The following LRRFIP2 variants were observed in gnomAD, a reference collection of about 807,000 sequenced individuals.
The protein encoded by LRRFIP2 is LRR binding FLII interacting protein 2, also known as leucine-rich repeat flightless-interacting protein 2.
LRRFIP2 carries 109 observed loss-of-function variants against 125.9 expected under a neutral mutation model. The observed-to-expected ratio is 0.87, with a 90% CI of 0.74 to 1.01. The LOEUF (loss-of-function observed/expected upper bound fraction) is 1.01, where lower values mean the gene tolerates loss of function less well. Ranked by LOEUF, LRRFIP2 falls within the 50% of genes least tolerant of loss-of-function variation. The pLI is 0.00. For missense variants in LRRFIP2, 850 were observed against 862.3 expected, an observed-to-expected ratio of 0.99 and a Z score of 0.18; for synonymous variants, 291 against 293.1, an observed-to-expected ratio of 0.99 and a Z score of 0.07.
chr3:37,141,515 G>A (rs1156829378), intron 2 of LRRFIP2, among the ~76,000 whole-genome samples: 1 of 152,220 alleles, frequency 6.6e-6, no homozygotes, highest in Admixed American at 6.5e-5. Context: ...GCTGTTTATG[G>A]TGATACATAT....
intron 1 of LRRFIP2, among the ~76,000 whole-genome samples, chr3:37,149,455 T>C (rs1256344807): frequency 6.6e-6 from 1 of 151,892 alleles, no homozygotes; most frequent in Non-Finnish European, 1.5e-5. Context: ...AGGCGGAGGT[T>C]GTAGTGAGCC....
At chr3:37,163,402 T>A (rs1159458988) in intron 1 of LRRFIP2, among the ~76,000 whole-genome samples, 1 of 152,194 alleles carries the variant, frequency 6.6e-6, no homozygotes, top group Non-Finnish European at 1.5e-5. Flanking sequence ...AAAACTGATG[T>A]ATACCACATC....
intron 6 of LRRFIP2, among the ~76,000 whole-genome samples, chr3:37,118,596 T>C (rs944681720): frequency 5.9e-5 from 9 of 152,244 alleles, no homozygotes; most frequent in African/African-American, 1.9e-4. Flanking sequence ...TTTATTTTTA[T>C]ACATAATGTC....
intron 15 of LRRFIP2, among the ~76,000 whole-genome samples, chr3:37,097,074 A>AT (rs2093755331): frequency 6.6e-6 from 1 of 152,138 alleles, no homozygotes; most frequent in Non-Finnish European, 1.5e-5. Flanking sequence ...GGACACACAG[A>AT]TAAAGACTAG....
chr3:37,115,770 C>T (rs2094753982), intron 6 of LRRFIP2, among the ~76,000 whole-genome samples: 1 of 152,190 alleles, frequency 6.6e-6, no homozygotes, highest in Non-Finnish European at 1.5e-5. Context: ...AGAACACCCA[C>T]ATTTCATGTA....
At chr3:37,103,143 G>A (rs914772830) in intron 14 of LRRFIP2, 130 bp from the exon 15 acceptor site, 2 of 604,626 alleles carry the variant, frequency 3.3e-6, no homozygotes, top group Admixed American at 3.4e-5. Flanking sequence ...GAAATAAAAT[G>A]AGGAAACTGC....
chr3:37,059,124 C>T (rs915285220), intron 24 of LRRFIP2, among the ~76,000 whole-genome samples: 4 of 152,162 alleles, frequency 2.6e-5, no homozygotes, highest in African/African-American at 9.7e-5. Context: ...AGCCCCAGGA[C>T]CAGGTGTCCC....
At chr3:37,077,767 A>AG (rs1424766813) in intron 19 of LRRFIP2, among the ~76,000 whole-genome samples, 1 of 152,242 alleles carries the variant, frequency 6.6e-6, no homozygotes, top group Non-Finnish European at 1.5e-5. Context: ...GGCCATTGAT[A>AG]GATGAATGCA....
intron 25 of LRRFIP2, 115 bp downstream of exon 25, chr3:37,058,675 C>CAAA (rs58404365): frequency 1.4e-4 from 123 of 907,140 alleles, no homozygotes; most frequent in East Asian, 3.3e-4. Context: ...ACTCCCATCT[C>CAAA]AAAAAAAAAA....
intron 25 of LRRFIP2, among the ~76,000 whole-genome samples, chr3:37,056,610 T>TGCCTG (rs1441368766): frequency 1.3e-5 from 2 of 152,138 alleles, no homozygotes; most frequent in East Asian, 3.9e-4. Context: ...CCCGCCACCA[T>TGCCTG]GCCTGGCTAA....
At chr3:37,090,482 G>A (rs534239665) in intron 18 of LRRFIP2, among the ~76,000 whole-genome samples, 8 of 152,000 alleles carry the variant, frequency 5.3e-5, no homozygotes, top group Non-Finnish European at 1.2e-4. Flanking sequence ...CGCCCACCTC[G>A]GCCTCCCAAA....
chr3:37,089,943 C>T (rs753147563), intron 18 of LRRFIP2, among the ~76,000 whole-genome samples: 6 of 152,206 alleles, frequency 3.9e-5, no homozygotes, highest in African/African-American at 9.6e-5. Context: ...CTGACAAACT[C>T]ATGCTGCCCT....
chr3:37,170,430 C>T (rs1578121006), intron 1 of LRRFIP2: 1 of 152,196 alleles, frequency 6.6e-6, no homozygotes, highest in African/African-American at 2.4e-5. Flanking sequence ...TTTCATAAGA[C>T]ACCACATAGT....
chr3:37,147,859 C>A (rs192438010), intron 2 of LRRFIP2, among the ~76,000 whole-genome samples: 3 of 152,188 alleles, frequency 2.0e-5, no homozygotes, highest in African/African-American at 7.2e-5. Context: ...TTCCAATATA[C>A]GGCAGGAAAT....
chr3:37,168,035 G>A (rs1451435148), intron 1 of LRRFIP2, among the ~76,000 whole-genome samples: 1 of 152,166 alleles, frequency 6.6e-6, no homozygotes, highest in African/African-American at 2.4e-5. Flanking sequence ...GCAAGGATGT[G>A]GAGAAACTGG....
intron 11 of LRRFIP2, 129 bp from the exon 12 acceptor site, chr3:37,108,813 T>C (rs2094446046): frequency 1.6e-6 from 1 of 627,632 alleles, no homozygotes; most frequent in South Asian, 2.4e-5. Flanking sequence ...CCTCCCAGAA[T>C]GAAAACCCTG....
chr3:37,084,653 G>A (rs2092908710), intron 18 of LRRFIP2, among the ~76,000 whole-genome samples: 1 of 151,914 alleles, frequency 6.6e-6, no homozygotes, highest in Non-Finnish European at 1.5e-5. Flanking sequence ...GTGACAGAGC[G>A]AGACCCTATC....
intron 6 of LRRFIP2, among the ~76,000 whole-genome samples, chr3:37,115,363 T>A (rs1447743520): frequency 6.6e-6 from 1 of 152,360 alleles, no homozygotes; most frequent in Non-Finnish European, 1.5e-5. Context: ...AATAGTGATA[T>A]GATTCAATCT....
intron 18 of LRRFIP2, among the ~76,000 whole-genome samples, chr3:37,087,286 G>A (rs1485301760): frequency 2.0e-5 from 3 of 152,194 alleles, no homozygotes; most frequent in African/African-American, 7.2e-5. Context: ...GTATCTAAAT[G>A]TATCTTACTA....
Sources: allele counts gnomAD v4.1 joint callset (sites outside exome capture counted in the v4.1 genomes callset), GRCh38; gene constraint gnomAD v4.1.1; transcripts MANE v1.5; gene names NCBI Gene and HGNC (gene_info 2026-07-23, HGNC 2026-07-21).